The following ZNF385D variants were observed in gnomAD, a reference collection of about 807,000 sequenced individuals.
ZNF385D encodes the protein zinc finger protein 385D.
Under a neutral mutation model 35.8 loss-of-function variants are expected in ZNF385D, and 15 were observed. The observed-to-expected ratio is 0.42, with a 90% confidence interval of 0.28 to 0.64. The LOEUF (loss-of-function observed/expected upper bound fraction) is 0.64, where lower values mean the gene tolerates loss of function less well. Ranked by LOEUF, ZNF385D falls within the 30% of genes least tolerant of loss-of-function variation. The pLI is 0.23. For synonymous variants in ZNF385D, 212 were observed against 186.8 expected, an observed-to-expected ratio of 1.13 and a Z score of -1.10; for missense variants, 474 against 494.6, an observed-to-expected ratio of 0.96 and a Z score of 0.39.
intron 4 of ZNF385D, among the ~76,000 whole-genome samples, chr3:21,456,833 A>G (rs1312948280): frequency 5.3e-5 from 8 of 152,114 alleles, no homozygotes; most frequent in African/African-American, 1.7e-4. Flanking sequence ...TCATCCCCTT[A>G]CCATCTTCAA....
chr3:22,231,145 T>G (rs969351098), intron 2 of ZNF385D, among the ~76,000 whole-genome samples: 1 of 151,840 alleles, frequency 6.6e-6, no homozygotes, highest in African/African-American at 2.4e-5. Flanking sequence ...GTTCAAAAAA[T>G]AAAGAAAGAA....
chr3:21,459,723 A>G (rs1204494002), intron 4 of ZNF385D, among the ~76,000 whole-genome samples: 1 of 152,178 alleles, frequency 6.6e-6, no homozygotes, highest in Non-Finnish European at 1.5e-5. Context: ...TACTTGCCAA[A>G]TGTATCATAA....
intron 3 of ZNF385D, among the ~76,000 whole-genome samples, chr3:22,131,475 A>C (rs1423416309): frequency 1.3e-5 from 2 of 152,140 alleles, no homozygotes; most frequent in Non-Finnish European, 2.9e-5. Flanking sequence ...AGTGAAGAGA[A>C]TATTTTTAAG....
chr3:21,763,900 T>C (rs1396678024), intron 3 of ZNF385D, among the ~76,000 whole-genome samples: 2 of 152,184 alleles, frequency 1.3e-5, no homozygotes, highest in African/African-American at 2.4e-5. Context: ...TCATTGAACA[T>C]CCATTTGTCA....
chr3:21,730,177 C>A, intron 1 of ZNF385D, among the ~76,000 whole-genome samples: 1 of 152,170 alleles, frequency 6.6e-6, no homozygotes, highest in East Asian at 1.9e-4. Context: ...TGAAACTGAA[C>A]AACCTGACCA....
intron 2 of ZNF385D, among the ~76,000 whole-genome samples, chr3:21,663,059 G>T (rs901093449): frequency 4.6e-5 from 7 of 152,124 alleles, no homozygotes; most frequent in African/African-American, 1.7e-4. Flanking sequence ...GCAGTTCTGA[G>T]ATTTGAACTT....
At chr3:21,963,481 T>C (rs1199685807) in intron 3 of ZNF385D, among the ~76,000 whole-genome samples, 1 of 152,196 alleles carries the variant, frequency 6.6e-6, no homozygotes, top group Non-Finnish European at 1.5e-5. Context: ...AACATCCTTA[T>C]TGCCTAAGAT....
intron 3 of ZNF385D, among the ~76,000 whole-genome samples, chr3:21,887,811 TA>T (rs1445612335): frequency 4.6e-5 from 7 of 152,028 alleles, no homozygotes; most frequent in Non-Finnish European, 8.8e-5. Flanking sequence ...CCTATATCAC[TA>T]AGAATATGTC....
intron 3 of ZNF385D, among the ~76,000 whole-genome samples, chr3:21,837,157 T>C (rs1695380741): frequency 6.6e-6 from 1 of 152,144 alleles, no homozygotes; most frequent in South Asian, 2.1e-4. Context: ...TTGCCAAATT[T>C]CTCTCTACAG....
chr3:21,839,709 C>T (rs1169076443), intron 3 of ZNF385D, among the ~76,000 whole-genome samples: 4 of 152,060 alleles, frequency 2.6e-5, no homozygotes, highest in Non-Finnish European at 4.4e-5. Flanking sequence ...GCTGACAGAA[C>T]AGCCATTATT....
intron 3 of ZNF385D, among the ~76,000 whole-genome samples, chr3:22,042,250 A>G (rs1056462032): frequency 2.0e-5 from 3 of 152,266 alleles, no homozygotes; most frequent in East Asian, 1.9e-4. Context: ...CAAAATGAAG[A>G]TAACAGTCTC....
chr3:21,723,427 A>T (rs1477881270), intron 1 of ZNF385D, among the ~76,000 whole-genome samples: 2 of 152,230 alleles, frequency 1.3e-5, no homozygotes. Flanking sequence ...CGAATTGCTA[A>T]CTAGAATAAC....
At chr3:22,268,178 C>G (rs964030207) in intron 2 of ZNF385D, among the ~76,000 whole-genome samples, 1 of 151,958 alleles carries the variant, frequency 6.6e-6, no homozygotes, top group Non-Finnish European at 1.5e-5. Context: ...GCATGGATGA[C>G]AACCCCAGCT....
chr3:22,201,245 G>A (rs146393800), intron 2 of ZNF385D, among the ~76,000 whole-genome samples: 1,910 of 152,198 alleles, frequency 0.013, 22 homozygotes, highest in African/African-American at 0.035. Flanking sequence ...TTCTTCTGCC[G>A]TGGCTTCAGC....
chr3:21,498,035 A>T (rs1706049672), intron 4 of ZNF385D, among the ~76,000 whole-genome samples: 1 of 152,092 alleles, frequency 6.6e-6, no homozygotes. Context: ...AACCAATGAA[A>T]CAGAATAGAA....
intron 3 of ZNF385D, chr3:21,878,236 A>G (rs1698085198): frequency 6.6e-6 from 1 of 151,982 alleles, no homozygotes; most frequent in Admixed American, 6.6e-5. Flanking sequence ...TATCCAGGTG[A>G]TGTAGCTCAT....
chr3:21,971,039 C>G (rs935945810), intron 3 of ZNF385D, among the ~76,000 whole-genome samples: 1 of 151,950 alleles, frequency 6.6e-6, no homozygotes. Context: ...TTTATCAACA[C>G]GAGACCTGTC....
intron 2 of ZNF385D, among the ~76,000 whole-genome samples, chr3:22,258,039 T>G (rs568677228): frequency 4.6e-5 from 7 of 151,898 alleles, no homozygotes; most frequent in Non-Finnish European, 7.4e-5. Context: ...TACACAAAGA[T>G]CAGAGTTAAA....
intron 2 of ZNF385D, among the ~76,000 whole-genome samples, chr3:22,309,600 A>C (rs935588151): frequency 8.5e-5 from 13 of 152,060 alleles, no homozygotes; most frequent in African/African-American, 3.1e-4. Flanking sequence ...TCTAGAACAA[A>C]ACTAAAATAT....
Sources: allele counts gnomAD v4.1 joint callset (sites outside exome capture counted in the v4.1 genomes callset), GRCh38; gene constraint gnomAD v4.1.1; transcripts MANE v1.5; gene names NCBI Gene and HGNC (gene_info 2026-07-23, HGNC 2026-07-21).